The following CA10 variants were observed in gnomAD, a reference collection of about 807,000 sequenced individuals.
The protein encoded by CA10 is carbonic anhydrase-related protein 10.
A neutral mutation model predicts 44.2 loss-of-function variants in CA10; 14 were observed. That is an observed-to-expected ratio of 0.32 (90% CI 0.21 to 0.50). The LOEUF (loss-of-function observed/expected upper bound fraction) is 0.50. Among genes scored for constraint, CA10 ranks in the 20% least tolerant of loss-of-function variants. The pLI, the probability that CA10 is intolerant of heterozygous loss-of-function variation, is 0.99. For synonymous variants in CA10, 159 were observed against 141.6 expected (o/e 1.12, Z -0.87); for missense variants, 350 against 409.7 (o/e 0.85, Z 1.26).
At chr17:51,942,360 G>C (rs1983111684) in intron 2 of CA10, among the ~76,000 whole-genome samples, 1 of 151,956 alleles carries the variant, frequency 6.6e-6, no homozygotes, top group African/African-American at 2.4e-5. Flanking sequence ...GTGTTTTAAT[G>C]ATTTTGCACT....
intron 1 of CA10, 80 bp downstream of exon 1, chr17:52,157,646 G>GTT: frequency 1.5e-6 from 2 of 1,296,680 alleles, no homozygotes; most frequent in South Asian, 2.4e-5. Flanking sequence ...CTGCCCCGCG[G>GTT]CTATATACAA....
intron 1 of CA10, among the ~76,000 whole-genome samples, chr17:52,128,044 T>G (rs559435137): frequency 4.6e-5 from 7 of 152,202 alleles, no homozygotes; most frequent in Non-Finnish European, 7.3e-5. Context: ...GGTATGTAAA[T>G]CTACCCAGGG....
At chr17:51,999,361 T>C (rs1172234163) in intron 2 of CA10, among the ~76,000 whole-genome samples, 1 of 152,008 alleles carries the variant, frequency 6.6e-6, no homozygotes, top group African/African-American at 2.4e-5. Context: ...GTAGCTAAGT[T>C]GGAATTTTGT....
intron 2 of CA10, among the ~76,000 whole-genome samples, chr17:51,940,389 C>T (rs963172820): frequency 2.0e-5 from 3 of 152,060 alleles, no homozygotes; most frequent in Non-Finnish European, 4.4e-5. Flanking sequence ...CCAAGCTCCA[C>T]GGAAATCTGG....
intron 2 of CA10, among the ~76,000 whole-genome samples, chr17:51,967,844 T>TA (rs978965440): frequency 1.4e-4 from 21 of 150,258 alleles, no homozygotes; most frequent in South Asian, 2.1e-4. Flanking sequence ...GTTGAAATTA[T>TA]AAAAAAAAAG....
rs142789719 is a variant in CA10 at position 51,882,865 on chromosome 17, T to C, written c.279+48125A>G. ...CTTTTTAAAATGTCAGAAGTTGCTA[T>C]TTGTTCTCCTTTCTCAGAATAGAGT... On this transcript the variant is annotated intron_variant, in intron 3 of 8. Transcript: ENST00000451037. 5.2e-4 allele frequency among the ~76,000 whole-genome samples: 79 copies of C among 152,332 alleles called. 1 individual carries two copies. Among genetic ancestry groups the C allele is most frequent in the African/African-American group, 1.9e-3 (77 of 41,586 alleles).
intron 3 of CA10, among the ~76,000 whole-genome samples, chr17:51,850,847 A>G (rs1001585053): frequency 4.6e-5 from 7 of 152,178 alleles, no homozygotes; most frequent in South Asian, 2.1e-4. Context: ...CTTTGCAGTG[A>G]TGACAGGAAT....
At position 51,910,966 on chromosome 17, in the gene CA10, T is replaced by A. The variant is rs192468120; in HGVS notation, c.279+20024A>T. 3.9e-5 allele frequency among the ~76,000 whole-genome samples: 6 copies of A among 152,318 alleles called. No homozygotes were observed. In the East Asian group the frequency reaches 9.6e-4, roughly 24 times the overall value. On this transcript the variant is annotated intron_variant, in intron 3 of 8. Coordinates refer to ENST00000451037, the MANE Select transcript of CA10 (RefSeq NM_020178.5). ...AGTCTGAACTGTTCTATGTTAAATT[T>A]TCAAGTAAAAGCCAGTCTCTGCAGT... is the stretch of plus-strand genomic sequence containing the variant.
chr17:52,135,874 T>C (rs557891250), intron 1 of CA10, among the ~76,000 whole-genome samples: 1 of 152,334 alleles, frequency 6.6e-6, no homozygotes, highest in African/African-American at 2.4e-5. Context: ...GCTCTTAGCA[T>C]ACACATCCAA....
chr17:52,091,880 C>T (rs1293302584), intron 1 of CA10, among the ~76,000 whole-genome samples: 2 of 152,178 alleles, frequency 1.3e-5, no homozygotes, highest in African/African-American at 2.4e-5. Context: ...CCTGGAAAGA[C>T]CTGCTTTCTG....
At position 52,128,739 on chromosome 17, in the gene CA10, C is replaced by CT. The variant is rs1260234701; in HGVS notation, c.61+28986dup. On this transcript the variant is annotated intron_variant, in intron 1 of 8. Coordinates refer to ENST00000451037, the MANE Select transcript of CA10 (RefSeq NM_020178.5). ...TCTAAACCCTGTTTTCTAACTTTCC[C>CT]TCCCAGACCTCTTCTTCTAGCATTT... is the stretch of plus-strand genomic sequence containing the variant. 2.0e-5 allele frequency among the ~76,000 whole-genome samples: 3 copies of CT among 152,308 alleles called. No homozygotes were observed. In the East Asian group the frequency reaches 5.8e-4, roughly 29 times the overall value.
chr17:51,799,670 G>C (rs1458686550), intron 3 of CA10, among the ~76,000 whole-genome samples: 2 of 152,152 alleles, frequency 1.3e-5, no homozygotes, highest in Non-Finnish European at 2.9e-5. Flanking sequence ...TACATGACTA[G>C]ACTAGGGTAA....
intron 3 of CA10, among the ~76,000 whole-genome samples, chr17:51,880,223 C>T (rs937118823): frequency 2.0e-5 from 3 of 152,202 alleles, no homozygotes; most frequent in African/African-American, 7.2e-5. Flanking sequence ...CTTTATTCCT[C>T]CTGACCAACC....
At chr17:52,080,234 C>T (rs1277401686) in intron 1 of CA10, among the ~76,000 whole-genome samples, 3 of 152,042 alleles carry the variant, frequency 2.0e-5, no homozygotes, top group East Asian at 1.9e-4. Context: ...GGGCGCATCA[C>T]GAGGTCAGGG....
Position 51,636,775 on chromosome 17 carries a change from T to TTGTGTGTGTGTG in CA10, c.635-778_635-767dup, listed in dbSNP as rs57428535. Among the ~76,000 whole-genome samples, 821 of 146,604 alleles carry TTGTGTGTGTGTG rather than the reference T, an allele frequency of 5.6e-3. 6 individuals are homozygous for TTGTGTGTGTGTG. The highest frequency in any genetic ancestry group is 0.015 in the African/African-American group (597 of 39,160). On this transcript the variant is annotated intron_variant, in intron 6 of 8. Transcript: ENST00000451037. The stretch of plus-strand genomic sequence containing the variant: ...TGGTTAAGCTCAACAACTGATTATT[T>TTGTGTGTGTGTG]TGTGTGTGTGTGTGTGTGTGTGTGT...
chr17:51,975,433 C>T (rs1299971277), intron 2 of CA10, among the ~76,000 whole-genome samples: 1 of 152,180 alleles, frequency 6.6e-6, no homozygotes, highest in Non-Finnish European at 1.5e-5. Context: ...AATCCCAGCA[C>T]TTTGGGAGAC....
chr17:51,973,187 C>A (rs1482519569), intron 2 of CA10, among the ~76,000 whole-genome samples: 1 of 152,180 alleles, frequency 6.6e-6, no homozygotes, highest in Non-Finnish European at 1.5e-5. Flanking sequence ...AGAGAGAACA[C>A]AAGGCTGTGA....
At chr17:52,019,537 A>C (rs75817716) in intron 2 of CA10, among the ~76,000 whole-genome samples, 1,632 of 152,234 alleles carry the variant, frequency 0.011, 31 homozygotes, top group African/African-American at 0.037. Flanking sequence ...TACATGAAAC[A>C]ATCCAAGCAT....
At chr17:52,095,569 T>C (rs569599659) in intron 1 of CA10, among the ~76,000 whole-genome samples, 1 of 152,178 alleles carries the variant, frequency 6.6e-6, no homozygotes, top group Non-Finnish European at 1.5e-5. Context: ...AGAATTTATA[T>C]GATCTATCCA....
Sources: allele counts gnomAD v4.1 joint callset (sites outside exome capture counted in the v4.1 genomes callset), GRCh38; gene constraint gnomAD v4.1.1; transcripts MANE v1.5; gene names NCBI Gene and HGNC (gene_info 2026-07-23, HGNC 2026-07-21).